The following IPMK variants were observed in gnomAD, a reference collection of about 807,000 sequenced individuals.
IPMK encodes inositol 1,3,4,6-tetrakisphosphate 5-kinase.
A neutral mutation model predicts 45.8 loss-of-function variants in IPMK; 17 were observed. The ratio of observed to expected loss-of-function variants is 0.37; its 90% CI spans 0.25 to 0.56. The LOEUF is 0.56. IPMK is among the 20% of genes least tolerant of loss of function. The probability of loss-of-function intolerance (pLI) is 0.79; values close to 1 mark genes in which losing one functional copy is unlikely to be tolerated. For synonymous variants in IPMK, 180 were observed against 184.3 expected, an observed-to-expected ratio of 0.98 and a Z score of 0.19; for missense variants, 399 against 498.0, an observed-to-expected ratio of 0.80 and a Z score of 1.89.
chr10:58,212,633 G>A (rs1479604644), intron 4 of IPMK: 8 of 238,270 alleles, frequency 3.4e-5, no homozygotes, highest in Admixed American at 8.3e-5. Context: ...CTGGATTCAT[G>A]TTTTCACCAG....
At chr10:58,242,911 T>C (rs2993832) in intron 1 of IPMK, among the ~76,000 whole-genome samples, 20,317 of 152,012 alleles carry the variant, frequency 0.13, 1,697 homozygotes, top group African/African-American at 0.24. Context: ...GATCTGGTAG[T>C]TTGAAAGTGT....
chr10:58,251,131 AT>A (rs1838873535), intron 1 of IPMK, among the ~76,000 whole-genome samples: 1 of 152,136 alleles, frequency 6.6e-6, no homozygotes, highest in East Asian at 1.9e-4. Context: ...ATCAGTGTTT[AT>A]TGCTAAAAAC....
chr10:58,249,310 C>T (rs536216011), intron 1 of IPMK, among the ~76,000 whole-genome samples: 1 of 152,160 alleles, frequency 6.6e-6, no homozygotes, highest in African/African-American at 2.4e-5. Flanking sequence ...AGCCTCCATC[C>T]TCAGGGCTCA....
intron 4 of IPMK, among the ~76,000 whole-genome samples, chr10:58,210,258 C>T (rs541632344): frequency 6.6e-6 from 1 of 152,224 alleles, no homozygotes; most frequent in South Asian, 2.1e-4. Flanking sequence ...GTTGGCGAGG[C>T]TGGTGTTGCT....
intron 2 of IPMK, among the ~76,000 whole-genome samples, chr10:58,227,707 C>T (rs748461950): frequency 1.3e-5 from 2 of 152,104 alleles, no homozygotes; most frequent in Non-Finnish European, 2.9e-5. Flanking sequence ...CAATGTAAGT[C>T]TAACTGCTGC....
intron 3 of IPMK, among the ~76,000 whole-genome samples, chr10:58,219,748 T>C (rs939483102): frequency 6.6e-6 from 1 of 152,228 alleles, no homozygotes; most frequent in Non-Finnish European, 1.5e-5. Context: ...TATATGAGAC[T>C]ATCTCACAGA....
intron 4 of IPMK, among the ~76,000 whole-genome samples, 185 bp downstream of exon 4, chr10:58,215,960 T>C (rs530201792): frequency 6.6e-6 from 1 of 152,216 alleles, no homozygotes. Flanking sequence ...ACTGACCATA[T>C]ATCAGTGAAC....
chr10:58,201,354 A>G (rs1187892557), intron 4 of IPMK, among the ~76,000 whole-genome samples: 1 of 152,174 alleles, frequency 6.6e-6, no homozygotes, highest in African/African-American at 2.4e-5. Flanking sequence ...ATTTCTCTGT[A>G]TTACAATTTG....
chr10:58,254,115 C>T (rs538886759), intron 1 of IPMK, among the ~76,000 whole-genome samples: 9 of 152,248 alleles, frequency 5.9e-5, no homozygotes, highest in Admixed American at 3.3e-4. Flanking sequence ...ATTATTTCCT[C>T]AAATATACCT....
chr10:58,238,837 G>GT (rs143503851), intron 1 of IPMK, among the ~76,000 whole-genome samples: 4,299 of 148,846 alleles, frequency 0.029, 210 homozygotes, highest in African/African-American at 0.093. Flanking sequence ...CAGAAATCAA[G>GT]TTTGTTTTTT....
At chr10:58,252,243 G>A (rs541942579) in intron 1 of IPMK, among the ~76,000 whole-genome samples, 34 of 152,144 alleles carry the variant, frequency 2.2e-4, no homozygotes, top group Non-Finnish European at 4.3e-4. Flanking sequence ...GGACTGTCAA[G>A]TATCAAAAAC....
intron 3 of IPMK, among the ~76,000 whole-genome samples, chr10:58,225,799 T>G (rs1838405318): frequency 6.6e-6 from 1 of 152,072 alleles, no homozygotes; most frequent in Admixed American, 6.6e-5. Context: ...ATCTCATTTA[T>G]AGCATTCCTG....
chr10:58,194,349 G>A lies in IPMK; in HGVS notation c.*1727C>T, dbSNP rs1469889043. ...TTATTATGACTTGAAATTCATTCCC[G>A]TTAAAACATAAAACTATAGCCAATA... On this transcript the variant is annotated 3_prime_UTR_variant, in exon 6 of 6. Coordinates refer to ENST00000373935, the MANE Select transcript of IPMK (RefSeq NM_152230.5). 3 of 151,802 alleles carry A rather than the reference G, an allele frequency of 2.0e-5. No individual in the cohort carries two copies. The highest frequency in any genetic ancestry group is 6.6e-5 in the Admixed American group (1 of 15,264). 9.4% of individuals were successfully genotyped at this position (151,802 alleles called of 1,614,324 possible). A position where few individuals can be genotyped will look rare whatever the true frequency, so the allele number is the denominator to read the frequency against.
At chr10:58,260,176 C>A (rs896833153) in intron 1 of IPMK, among the ~76,000 whole-genome samples, 1 of 152,106 alleles carries the variant, frequency 6.6e-6, no homozygotes, top group African/African-American at 2.4e-5. Flanking sequence ...TGAATATAAT[C>A]ATGACAAAAC....
intron 1 of IPMK, among the ~76,000 whole-genome samples, chr10:58,265,022 C>T (rs770463278): frequency 5.9e-5 from 9 of 152,106 alleles, no homozygotes; most frequent in African/African-American, 2.2e-4. Flanking sequence ...GTGTACTATA[C>T]AATTTTTACA....
chr10:58,213,986 G>A lies in IPMK; in HGVS notation c.546+2159C>T, dbSNP rs567625330. The stretch of plus-strand genomic sequence containing the variant: ...TGGGAAATAGGGAAATAGAAATAAC[G>A]AGTTTGGTTGTAAAGCCGAGACAAG... On this transcript the variant is annotated intron_variant, in intron 4 of 5. Coordinates refer to ENST00000373935, the MANE Select transcript of IPMK (RefSeq NM_152230.5). Among the ~76,000 whole-genome samples, 6 of 152,312 alleles carry A rather than the reference G, an allele frequency of 3.9e-5. No individual in the cohort carries two copies. The South Asian group carries it at 6.2e-4, about 16-fold the overall frequency.
rs146689079 is a variant in IPMK at position 58,203,570 on chromosome 10, C to A, written c.547-4249G>T. ...AGCTCAAGCGATCCACCCGCCTCAG[C>A]CTCCCAAAGTGTTGGGATTACTGGC... is the stretch of plus-strand genomic sequence containing the variant. On this transcript the variant is annotated intron_variant, in intron 4 of 5. Transcript: ENST00000373935. 1.0e-2 allele frequency among the ~76,000 whole-genome samples: 1,517 copies of A among 152,318 alleles called. 21 individuals are homozygous for A. The highest frequency in any genetic ancestry group is 0.034 in the African/African-American group (1,400 of 41,560).
At chr10:58,216,978 A>C (rs1485684035) in intron 3 of IPMK, among the ~76,000 whole-genome samples, 2 of 152,042 alleles carry the variant, frequency 1.3e-5, no homozygotes, top group Non-Finnish European at 2.9e-5. Flanking sequence ...AGGCTCTCAA[A>C]TAACTGGGAT....
chr10:58,217,178 T>TTTTTTG (rs1564530957), intron 3 of IPMK, among the ~76,000 whole-genome samples: 1 of 149,662 alleles, frequency 6.7e-6, no homozygotes, highest in African/African-American at 2.5e-5. Context: ...TTTTTTTTTT[T>TTTTTTG]AGAACACAGG....
Sources: allele counts gnomAD v4.1 joint callset (sites outside exome capture counted in the v4.1 genomes callset), GRCh38; gene constraint gnomAD v4.1.1; transcripts MANE v1.5; gene names NCBI Gene and HGNC (gene_info 2026-07-23, HGNC 2026-07-21).